The following PRMT2 variants were observed in gnomAD, a reference collection of about 807,000 sequenced individuals.
The protein encoded by PRMT2 is protein arginine methyltransferase 2.
Under a neutral mutation model 57.6 loss-of-function variants are expected in PRMT2, and 26 were observed. That is an observed-to-expected ratio of 0.45 (90% CI 0.33 to 0.63). The LOEUF (loss-of-function observed/expected upper bound fraction) is 0.63. Among genes scored for constraint, PRMT2 ranks in the 20% least tolerant of loss-of-function variants. PRMT2 has a pLI of 0.02. For missense variants in PRMT2, 472 were observed against 564.4 expected (o/e 0.84, Z 1.66); for synonymous variants, 219 against 220.0 (o/e 1.00, Z 0.04).
Position 46,643,513 on chromosome 21 carries a change from C to T in PRMT2, c.40-22C>T, listed in dbSNP as rs370525794. On this transcript the variant is annotated intron_variant, in intron 3 of 11. Coordinates refer to ENST00000355680, the MANE Select transcript of PRMT2 (RefSeq NM_206962.4). ...AAAAAGCTCCAGCGTCCTCTCCTCACGCTTTCCTTGGCTTTGAGCAGGGAG... is the reference window on the plus strand; with the variant it reads ...AAAAAGCTCCAGCGTCCTCTCCTCATGCTTTCCTTGGCTTTGAGCAGGGAG... 40 of 1,507,436 alleles carry T rather than the reference C, an allele frequency of 2.7e-5. No homozygotes were observed. In the South Asian group the frequency reaches 2.9e-4, roughly 11 times the overall value. 93.4% of individuals were successfully genotyped at this position (1,507,436 alleles called of 1,614,324 possible).
intron 8 of PRMT2, chr21:46,659,310 A>G (rs1488869001): frequency 4.0e-6 from 4 of 997,116 alleles, no homozygotes; most frequent in Admixed American, 1.2e-4. Flanking sequence ...TGTGTGCACC[A>G]TCTTAGGTGG....
chr21:46,664,884 C>T lies in PRMT2; in HGVS notation c.*557C>T, dbSNP rs1281983203. 1.3e-5 allele frequency: 2 copies of T among 153,978 alleles called. No individual in the cohort carries two copies. Among genetic ancestry groups the T allele is most frequent in the Non-Finnish European group, 2.9e-5 (2 of 69,168 alleles). The allele number at this position is 153,978 out of a possible 1,614,324, so 9.5% of individuals were successfully genotyped here. ...TGGGATAGTACAGTTGTGTAGACGT[C>T]TTCCAAATAAATTATGTGTTGGTCC... On this transcript the variant is annotated 3_prime_UTR_variant, in exon 12 of 12. Transcript: ENST00000355680.
At position 46,663,407 on chromosome 21, in the gene PRMT2, G is replaced by T; in HGVS notation, c.1122G>T (p.Leu374=). ...FHPTTHWKQT[L]FMMDDPVPVH... Reference sequence around the variant, plus strand: ...GCACCACACACTGGAAGCAGACGCTGTTCATGATGGACGACCCAGTCCCTG... The same window carrying T: ...GCACCACACACTGGAAGCAGACGCTTTTCATGATGGACGACCCAGTCCCTG... The change falls in exon 11 of 12, where the codon CTG becomes CTT. Residue 374 remains leucine (L), a synonymous_variant. Transcript: ENST00000355680. 6.2e-7 allele frequency: 1 copy of T among 1,613,874 alleles called. No individual in the cohort carries two copies. The highest frequency in any genetic ancestry group is 8.5e-7 in the Non-Finnish European group (1 of 1,179,778).
At chr21:46,652,994 G>T in intron 7 of PRMT2, 1 of 1,219,772 alleles carries the variant, frequency 8.2e-7, no homozygotes, top group Non-Finnish European at 1.1e-6. Flanking sequence ...GGTCACTGAG[G>T]ATCTCCATTG....
intron 11 of PRMT2, among the ~76,000 whole-genome samples, chr21:46,664,002 G>A (rs1023420339): frequency 1.3e-5 from 2 of 152,214 alleles, no homozygotes; most frequent in African/African-American, 2.4e-5. Flanking sequence ...GAATTCATGT[G>A]TAGCTCGCCC....
At chr21:46,657,892 CAG>C (rs1250819149) in intron 7 of PRMT2, 1 of 152,202 alleles carries the variant, frequency 6.6e-6, no homozygotes, top group African/African-American at 2.4e-5. Context: ...AGAGTGATAA[CAG>C]TGGTTCCTTC....
Position 46,653,960 on chromosome 21 carries a change from G to T in PRMT2, c.654+4221G>T, listed in dbSNP as rs377288144. 8.2e-4 allele frequency: 830 copies of T among 1,007,760 alleles called. 8 individuals are homozygous for T. The African/African-American group carries it at 0.013, about 15-fold the overall frequency. The allele number at this position is 1,007,760 out of a possible 1,614,324, so 62.4% of individuals were successfully genotyped here. On this transcript the variant is annotated intron_variant, in intron 7 of 11. Transcript: ENST00000355680. ...TGTTTTTTTTTTTTTTTGGCGTGGA[G>T]CATTTCCGAACTTTCACGTCATAAA...
chr21:46,662,656 G>C (rs568218980), intron 10 of PRMT2, among the ~76,000 whole-genome samples: 1 of 152,262 alleles, frequency 6.6e-6, no homozygotes, highest in Non-Finnish European at 1.5e-5. Context: ...GCTGGGGTGA[G>C]GGGTGTGACC....
At chr21:46,652,811 G>C in intron 7 of PRMT2, 1 of 1,252,226 alleles carries the variant, frequency 8.0e-7, no homozygotes, top group Non-Finnish European at 1.0e-6. Context: ...AACAAAGCAG[G>C]TGACAATTGA....
At chr21:46,641,585 G>A (rs1208114249) in intron 3 of PRMT2, among the ~76,000 whole-genome samples, 3 of 152,090 alleles carry the variant, frequency 2.0e-5, no homozygotes, top group African/African-American at 7.2e-5. Flanking sequence ...CCAGCCTCTC[G>A]GGAGGCTGAG....
chr21:46,657,192 A>C (rs945212483), intron 7 of PRMT2: 2 of 152,210 alleles, frequency 1.3e-5, no homozygotes, highest in African/African-American at 4.8e-5. Context: ...GAACAGCTGA[A>C]AGTCATGCAT....
chr21:46,653,653 C>A, intron 7 of PRMT2: 1 of 1,238,040 alleles, frequency 8.1e-7, no homozygotes, highest in South Asian at 1.5e-5. Flanking sequence ...TTTTTGGTTG[C>A]ATTCCCTGGA....
intron 7 of PRMT2, chr21:46,658,440 G>C (rs2061570684): frequency 3.6e-6 from 1 of 275,000 alleles, no homozygotes; most frequent in South Asian, 6.1e-5. Context: ...TGGTAGCTAC[G>C]AGCTCTTCCG....
intron 7 of PRMT2, among the ~76,000 whole-genome samples, chr21:46,655,958 G>A (rs529039282): frequency 5.3e-5 from 8 of 152,306 alleles, no homozygotes; most frequent in African/African-American, 1.9e-4. Context: ...TATATGGAAT[G>A]TAAAGGAACT....
At chr21:46,637,032 T>A (rs374271626) in intron 3 of PRMT2, 42 bp downstream of exon 3, 18 of 1,603,242 alleles carry the variant, frequency 1.1e-5, no homozygotes, top group Non-Finnish European at 1.5e-5. Flanking sequence ...GTTTAATGAA[T>A]GTGAGCATTA....
At chr21:46,662,526 C>T (rs2149005646) in intron 10 of PRMT2, among the ~76,000 whole-genome samples, 1 of 152,334 alleles carries the variant, frequency 6.6e-6, no homozygotes, top group South Asian at 2.1e-4. Context: ...TGGTCCCCAT[C>T]ACAAGAGTCC....
At chr21:46,659,121 TAGA>T in intron 8 of PRMT2, 2 of 1,309,180 alleles carry the variant, frequency 1.5e-6, no homozygotes, top group Non-Finnish European at 1.9e-6. Flanking sequence ...CAGAGCAGGG[TAGA>T]ATGCAAGGAA....
chr21:46,654,825 G>A (rs918251232), intron 7 of PRMT2: 10 of 879,402 alleles, frequency 1.1e-5, no homozygotes, highest in South Asian at 5.2e-5. Flanking sequence ...GAATATCCAC[G>A]GGGGTCCTGG....
At chr21:46,659,342 A>G (rs753354866) in intron 8 of PRMT2, 2 of 989,830 alleles carry the variant, frequency 2.0e-6, no homozygotes, top group Non-Finnish European at 2.4e-6. Context: ...GCAACAATGG[A>G]TGGAATGGAC....
Sources: gnomAD v4.1 joint callset for allele counts (sites outside exome capture counted in the v4.1 genomes callset) on GRCh38, gnomAD v4.1.1 for gene constraint, MANE v1.5 for transcripts, NCBI Gene and HGNC (gene_info 2026-07-23, HGNC 2026-07-21) for gene names.